Variants in MTSS1 observed in about 807,000 individuals in gnomAD.
The protein encoded by MTSS1 is MTSS I-BAR domain containing 1.
MTSS1 carries 18 observed loss-of-function variants against 79.0 expected under a neutral mutation model. The ratio of observed to expected loss-of-function variants is 0.23; its 90% confidence interval spans 0.16 to 0.34. MTSS1 has a LOEUF of 0.34. Ranked by LOEUF, MTSS1 falls within the 10% of genes least tolerant of loss-of-function variation. The pLI, the probability that MTSS1 is intolerant of heterozygous loss-of-function variation, is 1.00. For synonymous variants in MTSS1, 341 were observed against 368.6 expected, an observed-to-expected ratio of 0.93 and a Z score of 0.86; for missense variants, 815 against 986.2, an observed-to-expected ratio of 0.83 and a Z score of 2.33.
At chr8:124,640,745 T>C (rs541249791) in intron 3 of MTSS1, among the ~76,000 whole-genome samples, 1 of 152,262 alleles carries the variant, frequency 6.6e-6, no homozygotes, top group South Asian at 2.1e-4. Context: ...GGTTTCACCA[T>C]GTTGGCCAGG....
At chr8:124,721,997 A>G (rs1205436639) in intron 1 of MTSS1, among the ~76,000 whole-genome samples, 1 of 152,218 alleles carries the variant, frequency 6.6e-6, no homozygotes, top group Non-Finnish European at 1.5e-5. Flanking sequence ...GGACCCAGGC[A>G]AAACCTGCTG....
chr8:124,703,395 C>T (rs1470328953), intron 2 of MTSS1, among the ~76,000 whole-genome samples: 3 of 152,186 alleles, frequency 2.0e-5, no homozygotes, highest in Non-Finnish European at 2.9e-5. Context: ...TGTATTCAAG[C>T]GATTCTCCTG....
At chr8:124,569,897 C>T (rs1827371997) in intron 6 of MTSS1, among the ~76,000 whole-genome samples, 2 of 152,212 alleles carry the variant, frequency 1.3e-5, no homozygotes, top group Admixed American at 1.3e-4. Flanking sequence ...TCCCTTAACA[C>T]TGAACCTATT....
At chr8:124,632,298 A>AGG (rs1554684234) in intron 3 of MTSS1, among the ~76,000 whole-genome samples, 1 of 149,272 alleles carries the variant, frequency 6.7e-6, no homozygotes, top group Admixed American at 6.7e-5. Context: ...AAAAAAAAAA[A>AGG]GGTAAGGAAC....
chr8:124,721,090 C>T (rs144269608), intron 1 of MTSS1, among the ~76,000 whole-genome samples: 3 of 152,218 alleles, frequency 2.0e-5, no homozygotes, highest in Non-Finnish European at 2.9e-5. Context: ...TGTGTTGCAA[C>T]GCAGGCACAC....
rs72714740 is a variant in MTSS1, at chr8:124,590,212, C to T, written c.294-501G>A. On this transcript the variant is annotated intron_variant, in intron 4 of 13. Coordinates refer to ENST00000518547, the MANE Select transcript of MTSS1 (RefSeq NM_014751.6). The stretch of plus-strand genomic sequence containing the variant: ...TGTCAATGTGACTGGTGGGAGTGAC[C>T]CTTCTTCCCATTTTCCCTGTGATAT... 3.4e-3 allele frequency among the ~76,000 whole-genome samples: 524 copies of T among 152,248 alleles called. 2 individuals carry two copies. Among genetic ancestry groups the T allele is most frequent in the Non-Finnish European group, 5.4e-3 (370 of 68,008 alleles).
chr8:124,705,305 T>C (rs1259610844), intron 1 of MTSS1, among the ~76,000 whole-genome samples: 1 of 151,946 alleles, frequency 6.6e-6, no homozygotes, highest in Non-Finnish European at 1.5e-5. Flanking sequence ...TCCCCATCTC[T>C]ACTAAAAATA....
At chr8:124,570,704 T>A (rs947624890) in intron 6 of MTSS1, among the ~76,000 whole-genome samples, 5 of 152,174 alleles carry the variant, frequency 3.3e-5, no homozygotes, top group African/African-American at 9.7e-5. Context: ...AGTCTCTGCA[T>A]AATTTTCTCC....
Position 124,591,142 on chromosome 8 carries a change from G to T in MTSS1, c.293+9C>A. The T allele has an allele frequency of 6.2e-7, 1 of 1,613,530 alleles. No homozygotes were observed. The highest frequency in any genetic ancestry group is 8.5e-7 in the Non-Finnish European group (1 of 1,179,476). ...GTGTTGGCGATCGGGGCCAAAACATGCTCCTCACCTCGAAAACTGCCTCAG... is the reference window on the plus strand; with the variant it reads ...GTGTTGGCGATCGGGGCCAAAACATTCTCCTCACCTCGAAAACTGCCTCAG... On this transcript the variant is annotated intron_variant, in intron 4 of 13. Transcript: ENST00000518547.
At chr8:124,660,256 C>T (rs1393176434) in intron 3 of MTSS1, among the ~76,000 whole-genome samples, 1 of 152,234 alleles carries the variant, frequency 6.6e-6, no homozygotes, top group Admixed American at 6.5e-5. Context: ...CAGAAAAGCA[C>T]AAACAACCGT....
intron 3 of MTSS1, among the ~76,000 whole-genome samples, chr8:124,670,800 A>AC (rs1016570699): frequency 1.7e-4 from 26 of 152,224 alleles, no homozygotes; most frequent in Admixed American, 1.3e-3. Flanking sequence ...AAAGAGGAAA[A>AC]GTCCAGAGAC....
intron 3 of MTSS1, among the ~76,000 whole-genome samples, chr8:124,681,202 A>AT (rs888722835): frequency 4.8e-5 from 7 of 146,438 alleles, no homozygotes; most frequent in African/African-American, 1.9e-4. Flanking sequence ...AAGCTGTGAC[A>AT]TTTAAAAAAA....
chr8:124,568,354 C>A (rs1554642050), intron 7 of MTSS1, 25 bp downstream of exon 7: 7 of 1,607,268 alleles, frequency 4.4e-6, no homozygotes, highest in Admixed American at 3.4e-5. Flanking sequence ...CAGTTTAAAC[C>A]TTCTGGAGTT....
intron 3 of MTSS1, among the ~76,000 whole-genome samples, chr8:124,668,558 GACCTACAAGGTCAACTTAGC>G (rs1176371396): frequency 6.6e-6 from 1 of 152,144 alleles, no homozygotes; most frequent in Non-Finnish European, 1.5e-5. Flanking sequence ...ATGGAAAACA[GACCTACAAGGTCAACTTAGC>G]ACCTACCCGT....
At chr8:124,670,566 C>T (rs1352699532) in intron 3 of MTSS1, among the ~76,000 whole-genome samples, 1 of 152,178 alleles carries the variant, frequency 6.6e-6, no homozygotes, top group African/African-American at 2.4e-5. Context: ...AAACATGATA[C>T]ACTTAGGATT....
chr8:124,608,799 T>C (rs1005851099), intron 3 of MTSS1, among the ~76,000 whole-genome samples: 4 of 152,124 alleles, frequency 2.6e-5, no homozygotes, highest in African/African-American at 7.2e-5. Flanking sequence ...GGAAAATGGA[T>C]TGGCTAGATC....
intron 1 of MTSS1, among the ~76,000 whole-genome samples, chr8:124,726,168 T>C (rs1175670436): frequency 3.3e-5 from 5 of 152,040 alleles, no homozygotes; most frequent in Admixed American, 1.3e-4. Flanking sequence ...CACCCGTGAG[T>C]CCCCAGCCAG....
At chr8:124,647,809 A>G (rs1001597423) in intron 3 of MTSS1, among the ~76,000 whole-genome samples, 1 of 152,232 alleles carries the variant, frequency 6.6e-6, no homozygotes, top group African/African-American at 2.4e-5. Flanking sequence ...ATCAAGGTAT[A>G]AGTCATGTGC....
chr8:124,642,685 C>T (rs751335619), intron 3 of MTSS1, among the ~76,000 whole-genome samples: 5 of 152,100 alleles, frequency 3.3e-5, no homozygotes, highest in Non-Finnish European at 4.4e-5. Context: ...CTCTGCCTCC[C>T]GGGTTCAAGT....
Sources: gnomAD v4.1 joint callset for allele counts (sites outside exome capture counted in the v4.1 genomes callset) on GRCh38, gnomAD v4.1.1 for gene constraint, MANE v1.5 for transcripts, NCBI Gene and HGNC (gene_info 2026-07-23, HGNC 2026-07-21) for gene names.